Variants in MFSD8 observed in about 807,000 individuals in gnomAD.
The protein encoded by MFSD8 is major facilitator superfamily domain containing 8, also known as major facilitator superfamily domain-containing protein 8.
Under a neutral mutation model 66.4 loss-of-function variants are expected in MFSD8, and 55 were observed. The observed-to-expected ratio is 0.83, with a 90% CI of 0.67 to 1.04. The LOEUF is 1.04. Among genes scored for constraint, MFSD8 ranks in the 50% least tolerant of loss-of-function variants. MFSD8 has a pLI of 0.00. For synonymous variants in MFSD8, 202 were observed against 212.8 expected, an observed-to-expected ratio of 0.95 and a Z score of 0.44; for missense variants, 550 against 627.6, an observed-to-expected ratio of 0.88 and a Z score of 1.32.
At chr4:127,933,156 G>A in intron 7 of MFSD8, 63 bp from the exon 8 acceptor site, 2 of 1,352,944 alleles carry the variant, frequency 1.5e-6, no homozygotes, top group Non-Finnish European at 2.1e-6. Flanking sequence ...TGACATTAAA[G>A]TAATGTAGAA....
chr4:127,947,895 C>CAT (rs1237953331), intron 3 of MFSD8, among the ~76,000 whole-genome samples: 1 of 148,966 alleles, frequency 6.7e-6, no homozygotes, highest in Non-Finnish European at 1.5e-5. Flanking sequence ...CACACACACA[C>CAT]ACACTCTCTC....
In MFSD8 at chr4:127,965,151, G is replaced by T. The variant is rs779186294; in HGVS notation, c.-18C>A. On this transcript the variant is annotated 5_prime_UTR_variant, in exon 1 of 12. Transcript: ENST00000641686. ...CCGGCCATAGTTACACTCCCTACAA[G>T]GCGTCTTGCGCCCAACTCTCGCGAC... 6.2e-7 allele frequency: 1 copy of T among 1,613,792 alleles called. No individual in the cohort carries two copies. Among genetic ancestry groups the T allele is most frequent in the Non-Finnish European group, 8.5e-7 (1 of 1,179,978 alleles).
intron 7 of MFSD8, among the ~76,000 whole-genome samples, chr4:127,935,450 T>C (rs1738905548): frequency 6.6e-6 from 1 of 152,228 alleles, no homozygotes; most frequent in African/African-American, 2.4e-5. Context: ...ACTACATTAG[T>C]ATATGGATTC....
chr4:127,925,755 T>C (rs1397840439), intron 9 of MFSD8, among the ~76,000 whole-genome samples: 1 of 152,142 alleles, frequency 6.6e-6, no homozygotes, highest in Non-Finnish European at 1.5e-5. Flanking sequence ...ACCCAAAGGA[T>C]TATAAATCAT....
At position 127,949,571 on chromosome 4, in the gene MFSD8, G is replaced by A. The variant is rs1310168524; in HGVS notation, c.198+233C>T. Reference sequence around the variant, plus strand: ...TCTACCTTTGCCTGGGACTATCTGGGTATGATCCTATTTTTCCTTACGTAG... The same window carrying A: ...TCTACCTTTGCCTGGGACTATCTGGATATGATCCTATTTTTCCTTACGTAG... On this transcript the variant is annotated intron_variant, in intron 3 of 11. Coordinates refer to ENST00000641686, the MANE Select transcript of MFSD8 (RefSeq NM_001371596.2). Among the ~76,000 whole-genome samples the A allele has an allele frequency of 2.0e-5, 3 of 152,154 alleles. No homozygotes were observed. In the East Asian group the frequency reaches 5.8e-4, roughly 29 times the overall value.
Position 127,957,594 on chromosome 4 carries a change from TA to T in MFSD8, c.63-3del. Reference sequence around the variant, plus strand: ...TCAGTCTCTAAAATGTCCCATTCTCTAGGTGTAAAGAAGAAAAAAGTAGTAT... The same window carrying T: ...TCAGTCTCTAAAATGTCCCATTCTCTGGTGTAAAGAAGAAAAAAGTAGTAT... On this transcript the variant is annotated splice_region_variant and splice_polypyrimidine_tract_variant and intron_variant, in intron 1 of 11. Transcript: ENST00000641686. 6.2e-7 allele frequency: 1 copy of T among 1,601,242 alleles called. No individual in the cohort carries two copies. The highest frequency in any genetic ancestry group is 8.6e-7 in the Non-Finnish European group (1 of 1,169,540).
chr4:127,935,892 A>G (rs529834340), intron 7 of MFSD8, among the ~76,000 whole-genome samples: 2 of 152,320 alleles, frequency 1.3e-5, no homozygotes, highest in South Asian at 4.1e-4. Context: ...TCTTTGCTGC[A>G]CAAAGTGTGA....
At chr4:127,932,922 A>G in intron 8 of MFSD8, 63 bp downstream of exon 8, 1 of 1,431,768 alleles carries the variant, frequency 7.0e-7, no homozygotes, top group Non-Finnish European at 9.8e-7. Context: ...CCTAATTAAC[A>G]TTGCATTAAG....
chr4:127,923,112 C>T (rs1316815278), intron 9 of MFSD8, among the ~76,000 whole-genome samples: 1 of 152,060 alleles, frequency 6.6e-6, no homozygotes, highest in East Asian at 1.9e-4. Context: ...AATTGAATAC[C>T]CTTTATTTCT....
In MFSD8 at chr4:127,957,542, G is replaced by C; in HGVS notation, c.113C>G (p.Ser38Cys). 1 of 1,611,884 alleles carries C rather than the reference G, an allele frequency of 6.2e-7. No individual in the cohort carries two copies. Among genetic ancestry groups the C allele is most frequent in the Non-Finnish European group, 8.5e-7 (1 of 1,178,380 alleles). ...CATAGTAAGATATAAAATCCTAATA[G>C]ATCTCCATCGGCTCTTATAATGCTC... Reference protein sequence around the residue: ...TEEHYKSRWRSIRILYLTMFL... With the variant: ...TEEHYKSRWRCIRILYLTMFL... The change falls in exon 2 of 12, where the codon TCT becomes TGT. Residue 38 changes from serine to cysteine, a missense_variant. Ser to Cys is a moderately radical substitution (Grantham distance 112, BLOSUM62 -1). Coordinates refer to ENST00000641686, the MANE Select transcript of MFSD8 (RefSeq NM_001371596.2).
chr4:127,965,025 C>T (rs746413252), intron 1 of MFSD8, 47 bp downstream of exon 1: 1 of 1,602,532 alleles, frequency 6.2e-7, no homozygotes, highest in African/African-American at 1.3e-5. Flanking sequence ...GGAACCAGTC[C>T]CAACAGCGCA....
At chr4:127,924,709 T>C (rs1157141787) in intron 9 of MFSD8, among the ~76,000 whole-genome samples, 2 of 152,124 alleles carry the variant, frequency 1.3e-5, no homozygotes, top group Non-Finnish European at 2.9e-5. Context: ...CAAGCTACCA[T>C]TGACTTTCTT....
chr4:127,948,815 G>T (rs1447312907), intron 3 of MFSD8, among the ~76,000 whole-genome samples: 1 of 152,112 alleles, frequency 6.6e-6, no homozygotes, highest in Non-Finnish European at 1.5e-5. Flanking sequence ...GGGACTCTTC[G>T]GAGAGTCCCC....
intron 3 of MFSD8, 53 bp downstream of exon 3, chr4:127,949,751 A>C: frequency 1.4e-6 from 2 of 1,460,434 alleles, no homozygotes; most frequent in Non-Finnish European, 1.9e-6. Flanking sequence ...TTAACTACGT[A>C]AGAGTTACTA....
At chr4:127,958,813 TCAGA>T (rs763897682) in intron 1 of MFSD8, among the ~76,000 whole-genome samples, 6 of 152,216 alleles carry the variant, frequency 3.9e-5, no homozygotes, top group Admixed American at 1.3e-4. Context: ...GATTTAGAGC[TCAGA>T]CAAAATCTTT....
intron 5 of MFSD8, 102 bp from the exon 6 acceptor site, chr4:127,940,099 AT>A: frequency 8.9e-7 from 1 of 1,126,978 alleles, no homozygotes. Context: ...ATGTTATGGA[AT>A]CATCCTTCTA....
Position 127,940,002 on chromosome 4 carries a change from TTAAGA to T in MFSD8, c.554-10_554-6del. ...ATGTAAAACAAGTCTGAAAAACTTATTAAGATAAAATTTTCACAGATGAATTATTA... is the reference window on the plus strand; with the variant it reads ...ATGTAAAACAAGTCTGAAAAACTTATTAAAATTTTCACAGATGAATTATTA... On this transcript the variant is annotated splice_polypyrimidine_tract_variant and splice_region_variant and intron_variant, in intron 5 of 11. Coordinates refer to ENST00000641686, the MANE Select transcript of MFSD8 (RefSeq NM_001371596.2). The T allele has an allele frequency of 6.2e-7, 1 of 1,611,788 alleles. No individual in the cohort carries two copies. The highest frequency in any genetic ancestry group is 8.5e-7 in the Non-Finnish European group (1 of 1,178,796).
chr4:127,921,330 T>C, intron 11 of MFSD8, 194 bp downstream of exon 11: 1 of 925,620 alleles, frequency 1.1e-6, no homozygotes, highest in East Asian at 2.6e-5. Flanking sequence ...AACTTCTGTA[T>C]CCAAAACTAT....
At chr4:127,956,006 C>A (rs999231437) in intron 2 of MFSD8, among the ~76,000 whole-genome samples, 1 of 152,012 alleles carries the variant, frequency 6.6e-6, no homozygotes, top group Non-Finnish European at 1.5e-5. Flanking sequence ...GTAGTCCCAG[C>A]TACTCGGGAG....
Sources: allele counts gnomAD v4.1 joint callset (sites outside exome capture counted in the v4.1 genomes callset), GRCh38; gene constraint gnomAD v4.1.1; transcripts MANE v1.5; gene names NCBI Gene and HGNC (gene_info 2026-07-23, HGNC 2026-07-21).